Variants in PTPRN2 observed in about 807,000 individuals in gnomAD.
PTPRN2 encodes the protein receptor-type tyrosine-protein phosphatase N2.
PTPRN2 carries 74 observed loss-of-function variants against 118.8 expected under a neutral mutation model. The observed-to-expected ratio is 0.62, with a 90% confidence interval of 0.52 to 0.76. The LOEUF (loss-of-function observed/expected upper bound fraction) is 0.76. Among genes scored for constraint, PTPRN2 ranks in the 30% least tolerant of loss-of-function variants. The probability of loss-of-function intolerance (pLI) is 0.00; values close to 1 mark genes in which losing one functional copy is unlikely to be tolerated. For missense variants in PTPRN2, 1,481 were observed against 1,394.4 expected (o/e 1.06, Z -0.99); for synonymous variants, 641 against 608.0 (o/e 1.05, Z -0.80).
chr7:157,568,435 T>A (rs1399728369), intron 21 of PTPRN2, among the ~76,000 whole-genome samples: 2 of 152,190 alleles, frequency 1.3e-5, no homozygotes, highest in Admixed American at 1.3e-4. Context: ...TTGATGGCAA[T>A]TACTAACGGA....
intron 11 of PTPRN2, among the ~76,000 whole-genome samples, chr7:158,034,072 A>C (rs989789142): frequency 2.0e-5 from 3 of 148,438 alleles, no homozygotes; most frequent in African/African-American, 7.5e-5. Flanking sequence ...AAAACTCTGC[A>C]TGCTGAGGCC....
chr7:157,810,742 C>T (rs1805970787), intron 12 of PTPRN2, among the ~76,000 whole-genome samples: 1 of 139,216 alleles, frequency 7.2e-6, no homozygotes, highest in East Asian at 2.2e-4. Context: ...GAGGCTGGCT[C>T]TCCACGGGGA....
chr7:157,768,497 G>A (rs1019187727), intron 12 of PTPRN2, among the ~76,000 whole-genome samples: 1 of 152,150 alleles, frequency 6.6e-6, no homozygotes, highest in African/African-American at 2.4e-5. Context: ...ATGAGAGCAC[G>A]CGGCCGCAAC....
chr7:157,773,699 C>T (rs1458946575), intron 12 of PTPRN2, among the ~76,000 whole-genome samples: 5 of 152,242 alleles, frequency 3.3e-5, no homozygotes, highest in Non-Finnish European at 5.9e-5. Flanking sequence ...GGAGCTGTAT[C>T]TTCCTCAGCC....
chr7:157,721,711 C>T (rs1490802149), intron 12 of PTPRN2, among the ~76,000 whole-genome samples: 1 of 152,158 alleles, frequency 6.6e-6, no homozygotes, highest in African/African-American at 2.4e-5. Flanking sequence ...GGTTTCCTCA[C>T]AGATGTTTGG....
intron 11 of PTPRN2, among the ~76,000 whole-genome samples, chr7:158,019,562 CT>C: frequency 6.6e-6 from 1 of 152,322 alleles, no homozygotes; most frequent in East Asian, 1.9e-4. Context: ...TAGTATCTTT[CT>C]TCTAAAAAAT....
chr7:157,542,409 A>G (rs1798054380), intron 22 of PTPRN2, among the ~76,000 whole-genome samples: 1 of 152,220 alleles, frequency 6.6e-6, no homozygotes, highest in African/African-American at 2.4e-5. Context: ...CACACTGGAA[A>G]TCTAGCCTGA....
chr7:157,711,350 CGCCAGAG>C, intron 12 of PTPRN2, among the ~76,000 whole-genome samples: 1 of 24,628 alleles, frequency 4.1e-5, no homozygotes, highest in Admixed American at 3.0e-4. Flanking sequence ...GAGCCCCACG[CGCCAGAG>C]GTTCCGGGGC....
At position 158,244,315 on chromosome 7, in the gene PTPRN2, A is replaced by G. The variant is rs557044681; in HGVS notation, c.278-39042T>C. On this transcript the variant is annotated intron_variant, in intron 3 of 22. Transcript: ENST00000389418. ...ACAGAAGTTGGAAACGCAAATTAAAAGGTGAAAGGTCAAGGCAGTGTCCTG... is the reference window on the plus strand; with the variant it reads ...ACAGAAGTTGGAAACGCAAATTAAAGGGTGAAAGGTCAAGGCAGTGTCCTG... 4.0e-3 allele frequency among the ~76,000 whole-genome samples: 612 copies of G among 152,390 alleles called. 2 individuals carry two copies. The highest frequency in any genetic ancestry group is 6.8e-3 in the Non-Finnish European group (461 of 68,032).
intron 10 of PTPRN2, among the ~76,000 whole-genome samples, chr7:158,105,631 G>A (rs1322121312): frequency 1.3e-5 from 2 of 149,110 alleles, no homozygotes; most frequent in East Asian, 4.1e-4. Flanking sequence ...AAGCTCCATA[G>A]ACTTCCATCC....
At position 157,611,118 on chromosome 7, in the gene PTPRN2, C is replaced by T. The variant is rs1429074796; in HGVS notation, c.2345-7043G>A. Among the ~76,000 whole-genome samples, 2 of 152,172 alleles carry T rather than the reference C, an allele frequency of 1.3e-5. No individual in the cohort carries two copies. The highest frequency in any genetic ancestry group is 2.9e-5 in the Non-Finnish European group (2 of 68,042). On this transcript the variant is annotated intron_variant, in intron 15 of 22. Transcript: ENST00000389418. This position sits in a 1 kb window ranked among gnomAD's most constrained non-coding sequence, Gnocchi z 5.9. ...TGGTGTCCGGCTTCCACACTGGACG[C>T]GTCAAAAGCAGGTCCCAGAGGAGCA...
chr7:158,567,306 G>A (rs748654923), intron 1 of PTPRN2, among the ~76,000 whole-genome samples: 1 of 152,216 alleles, frequency 6.6e-6, no homozygotes, highest in Non-Finnish European at 1.5e-5. Flanking sequence ...TTATCCCAGC[G>A]TTTGCTGGGC....
Position 158,500,172 on chromosome 7 carries a change from A to G in PTPRN2, c.113-10387T>C, listed in dbSNP as rs1381256687. Among the ~76,000 whole-genome samples the G allele has an allele frequency of 2.0e-5, 3 of 152,200 alleles. No homozygotes were observed. The East Asian group carries it at 5.8e-4, about 29-fold the overall frequency. ...GTGGGTGAGAGGAATCTGCACTTAC[A>G]ATAATGAAAAGACAAATTAGATCCA... On this transcript the variant is annotated intron_variant, in intron 1 of 22. Transcript: ENST00000389418.
chr7:158,334,703 G>C (rs1205101951), intron 2 of PTPRN2, among the ~76,000 whole-genome samples: 41 of 16,580 alleles, frequency 2.5e-3, no homozygotes, highest in Non-Finnish European at 2.9e-3. Flanking sequence ...ACCATAAGAG[G>C]TGACACCTGC....
chr7:158,021,871 G>T (rs1806900051), intron 11 of PTPRN2, among the ~76,000 whole-genome samples: 2 of 152,178 alleles, frequency 1.3e-5, no homozygotes, highest in South Asian at 4.1e-4. Flanking sequence ...AAAACAGGTG[G>T]GGCTGTCCAT....
intron 2 of PTPRN2, among the ~76,000 whole-genome samples, chr7:158,421,733 T>G (rs558517253): frequency 6.6e-6 from 1 of 152,228 alleles, no homozygotes; most frequent in Non-Finnish European, 1.5e-5. Flanking sequence ...CTCCGCAGCA[T>G]GTTCTGGGCT....
chr7:158,108,063 CT>C (rs1312678964), intron 10 of PTPRN2, among the ~76,000 whole-genome samples: 2 of 151,956 alleles, frequency 1.3e-5, no homozygotes, highest in Non-Finnish European at 2.9e-5. Flanking sequence ...TAGCCCCTTC[CT>C]ACTGCATTCA....
chr7:158,302,640 C>T (rs1378847980), intron 3 of PTPRN2, among the ~76,000 whole-genome samples: 2 of 152,226 alleles, frequency 1.3e-5, no homozygotes, highest in Admixed American at 6.5e-5. Flanking sequence ...AGGGCAGTTA[C>T]GTGATGTGCG....
At chr7:158,058,934 C>T in intron 11 of PTPRN2, among the ~76,000 whole-genome samples, 1 of 106,798 alleles carries the variant, frequency 9.4e-6, no homozygotes, top group African/African-American at 4.8e-5. Context: ...TCACTGCAGC[C>T]ACACTCCATC....
Sources: gnomAD v4.1 joint callset for allele counts (sites outside exome capture counted in the v4.1 genomes callset) on GRCh38, gnomAD v4.1.1 for gene constraint, Gnocchi (gnomAD v3.1) non-coding constraint, MANE v1.5 for transcripts, NCBI Gene and HGNC (gene_info 2026-07-23, HGNC 2026-07-21) for gene names.